COL5A2: variants seen among roughly 807,000 people sequenced by gnomAD.
COL5A2 encodes collagen alpha-2(V) chain.
Under a neutral mutation model 208.2 loss-of-function variants are expected in COL5A2, and 23 were observed. The ratio of observed to expected loss-of-function variants is 0.11; its 90% CI spans 0.08 to 0.16. The LOEUF (loss-of-function observed/expected upper bound fraction) is 0.16. Among genes scored for constraint, COL5A2 ranks in the 10% least tolerant of loss-of-function variants. The pLI, the probability that COL5A2 is intolerant of heterozygous loss-of-function variation, is 1.00. For synonymous variants in COL5A2, 625 were observed against 628.5 expected, an observed-to-expected ratio of 0.99 and a Z score of 0.08; for missense variants, 1,590 against 1,956.4, an observed-to-expected ratio of 0.81 and a Z score of 3.53.
the COL5A2 span, among the ~76,000 whole-genome samples, chr2:189,422,270 A>T: frequency 6.6e-6 from 1 of 152,192 alleles, no homozygotes. Flanking sequence ...AGGAAAATAG[A>T]GAGAGATAAT....
chr2:189,085,819 T>G, intron 9 of COL5A2, 47 bp from the exon 10 acceptor site: 1 of 1,422,446 alleles, frequency 7.0e-7, no homozygotes, highest in Non-Finnish European at 9.9e-7. Context: ...AAAAATAGAA[T>G]ATTAAACCCT....
At chr2:189,108,969 G>GTTT (rs5837126) in intron 2 of COL5A2, among the ~76,000 whole-genome samples, 1 of 139,686 alleles carries the variant, frequency 7.2e-6, no homozygotes, top group African/African-American at 2.6e-5. Context: ...ACTTTATTAA[G>GTTT]TTTTTTTTTT....
At chr2:189,337,934 G>A in the COL5A2 span, among the ~76,000 whole-genome samples, 1 of 152,150 alleles carries the variant, frequency 6.6e-6, no homozygotes, top group Non-Finnish European at 1.5e-5. Context: ...AGGAAGACGT[G>A]CAGTTCTAGT....
intron 31 of COL5A2, 47 bp from the exon 32 acceptor site, chr2:189,058,940 A>C: frequency 6.4e-7 from 1 of 1,557,912 alleles, no homozygotes; most frequent in Non-Finnish European, 8.8e-7. Context: ...CTTTGAGTTT[A>C]GGCATTTATC....
the COL5A2 span, among the ~76,000 whole-genome samples, chr2:189,320,452 A>G: frequency 6.6e-6 from 1 of 152,198 alleles, no homozygotes; most frequent in Non-Finnish European, 1.5e-5. Context: ...TAGAATAACC[A>G]ATGCAGAGAA....
intron 1 of COL5A2, among the ~76,000 whole-genome samples, chr2:189,150,810 C>A (rs140420333): frequency 6.6e-6 from 1 of 152,082 alleles, no homozygotes; most frequent in Non-Finnish European, 1.5e-5. Flanking sequence ...GCTATTTAGT[C>A]CAATTTCTTA....
chr2:189,082,830 TGGATG>T (rs1173497881), intron 12 of COL5A2, among the ~76,000 whole-genome samples: 1 of 152,178 alleles, frequency 6.6e-6, no homozygotes, highest in Non-Finnish European at 1.5e-5. Context: ...AGTTCAAACC[TGGATG>T]GGTTGAAAAG....
chr2:189,320,306 G>T, the COL5A2 span, among the ~76,000 whole-genome samples: 1 of 152,208 alleles, frequency 6.6e-6, no homozygotes, highest in Non-Finnish European at 1.5e-5. Flanking sequence ...ACAGAACAAA[G>T]CTGGACAGAG....
intron 20 of COL5A2, 43 bp downstream of exon 20, chr2:189,068,183 T>C: frequency 6.2e-7 from 1 of 1,608,548 alleles, no homozygotes; most frequent in Non-Finnish European, 8.5e-7. Context: ...GTCTAAAGAA[T>C]CATGCCCATT....
At chr2:189,155,340 C>G (rs1232004552) in intron 1 of COL5A2, among the ~76,000 whole-genome samples, 1 of 132,534 alleles carries the variant, frequency 7.5e-6, no homozygotes, top group African/African-American at 2.9e-5. Flanking sequence ...TATTTTATAG[C>G]ACATACTGCT....
intron 3 of COL5A2, among the ~76,000 whole-genome samples, chr2:189,102,194 G>C (rs1026384223): frequency 1.3e-5 from 2 of 151,960 alleles, no homozygotes; most frequent in Non-Finnish European, 2.9e-5. Context: ...GAGAAAAATG[G>C]AACAGCCTGC....
the COL5A2 span, among the ~76,000 whole-genome samples, chr2:189,315,924 T>C: frequency 1.3e-5 from 2 of 152,130 alleles, no homozygotes; most frequent in Admixed American, 6.5e-5. Context: ...AGAATGACTA[T>C]TTAATAAATG....
At chr2:189,193,452 T>C (rs1188004477) in intron 1 of COL5A2, among the ~76,000 whole-genome samples, 1 of 152,222 alleles carries the variant, frequency 6.6e-6, no homozygotes. Context: ...GTTTCAAATA[T>C]ATAAACTATA....
intron 1 of COL5A2, among the ~76,000 whole-genome samples, chr2:189,157,047 C>T (rs1048279619): frequency 6.8e-6 from 1 of 147,862 alleles, no homozygotes; most frequent in Non-Finnish European, 1.5e-5. Context: ...AGCACTGAGG[C>T]TATACTGAAG....
At position 189,033,653 on chromosome 2, in the gene COL5A2, C is replaced by A; in HGVS notation, c.*417G>T. 5.4e-6 allele frequency: 1 copy of A among 186,746 alleles called. No homozygotes were observed. The highest frequency in any genetic ancestry group is 1.1e-5 in the Non-Finnish European group (1 of 87,746). 11.6% of individuals were successfully genotyped at this position (186,746 alleles called of 1,614,324 possible). A position where few individuals can be genotyped will look rare whatever the true frequency, so the allele number is the denominator to read the frequency against. ...TTTCTATTTTTCAACTGCAGCCAAG[C>A]AAAATAAACATGTGTTGTGGCTCTA... is the stretch of plus-strand genomic sequence containing the variant. On this transcript the variant is annotated 3_prime_UTR_variant, in exon 54 of 54. Transcript: ENST00000374866.
intron 35 of COL5A2, chr2:189,056,746 TATCTC>T: frequency 1.7e-6 from 1 of 585,310 alleles, no homozygotes; most frequent in Non-Finnish European, 3.0e-6. Context: ...TTAAGGCACT[TATCTC>T]ATAGGCACAA....
the COL5A2 span, among the ~76,000 whole-genome samples, chr2:189,439,325 C>A: frequency 6.6e-6 from 1 of 152,210 alleles, no homozygotes; most frequent in Non-Finnish European, 1.5e-5. Context: ...ATATACTAGG[C>A]ACTTAGTAAA....
chr2:189,108,839 A>G (rs1418086368), intron 2 of COL5A2, among the ~76,000 whole-genome samples: 1 of 148,056 alleles, frequency 6.8e-6, no homozygotes, highest in Non-Finnish European at 1.5e-5. Flanking sequence ...TGTGATATCA[A>G]CTCTCCTTAT....
At chr2:189,134,297 A>G (rs1328842284) in intron 1 of COL5A2, among the ~76,000 whole-genome samples, 3 of 152,156 alleles carry the variant, frequency 2.0e-5, no homozygotes, top group Non-Finnish European at 4.4e-5. Context: ...TTTTTAAAGT[A>G]CATCATTATC....
Sources: gnomAD v4.1 joint callset for allele counts (sites outside exome capture counted in the v4.1 genomes callset) on GRCh38, gnomAD v4.1.1 for gene constraint, MANE v1.5 for transcripts, NCBI Gene and HGNC (gene_info 2026-07-23, HGNC 2026-07-21) for gene names.